Variants in MECR observed in about 807,000 individuals in gnomAD.
The protein encoded by MECR is mitochondrial trans-2-enoyl-CoA reductase.
MECR carries 37 observed loss-of-function variants against 49.1 expected under a neutral mutation model. The ratio of observed to expected loss-of-function variants is 0.75; its 90% CI spans 0.58 to 0.99. The LOEUF (loss-of-function observed/expected upper bound fraction) is 0.99, where lower values mean the gene tolerates loss of function less well. MECR is among the 50% of genes least tolerant of loss of function. The probability of loss-of-function intolerance (pLI) is 0.00; values close to 1 mark genes in which losing one functional copy is unlikely to be tolerated. For synonymous variants in MECR, 198 were observed against 191.1 expected, an observed-to-expected ratio of 1.04 and a Z score of -0.30; for missense variants, 470 against 479.6, an observed-to-expected ratio of 0.98 and a Z score of 0.19.
At chr1:29,194,492 A>G (rs966959719) in intron 9 of MECR, among the ~76,000 whole-genome samples, 6 of 152,184 alleles carry the variant, frequency 3.9e-5, no homozygotes, top group African/African-American at 1.2e-4. Flanking sequence ...TGGAGACAGG[A>G]GCACTGAATG....
chr1:29,176,658 A>G, the MECR span, among the ~76,000 whole-genome samples: 1 of 152,182 alleles, frequency 6.6e-6, no homozygotes, highest in Non-Finnish European at 1.5e-5. Flanking sequence ...TCAGTATCTA[A>G]GGCTTAATAA....
At chr1:29,181,259 A>C in the MECR span, among the ~76,000 whole-genome samples, 1 of 152,226 alleles carries the variant, frequency 6.6e-6, no homozygotes, top group African/African-American at 2.4e-5. Flanking sequence ...GTTTATTTCC[A>C]GTAGTCCTCA....
rs1457185705 is a variant in MECR, at chr1:29,206,748, C to G, written c.550+14G>C. ...CGAGACCCTGGCCTGCTCCCCCAAC[C>G]TGTGGGTTCCTACCTGGCTGCAGTT... On this transcript the variant is annotated intron_variant, in intron 4 of 9. Transcript: ENST00000263702. 1.9e-6 allele frequency: 3 copies of G among 1,613,676 alleles called. No individual in the cohort carries two copies. Among genetic ancestry groups the G allele is most frequent in the Non-Finnish European group, 2.5e-6 (3 of 1,179,804 alleles).
At chr1:29,200,336 G>C (rs895258635) in intron 7 of MECR, 180 bp downstream of exon 7, 9 of 539,494 alleles carry the variant, frequency 1.7e-5, no homozygotes, top group Non-Finnish European at 2.6e-5. Context: ...CATCTGCAAA[G>C]GGGAAGGCTG....
intron 1 of MECR, chr1:29,223,181 AG>A: frequency 1.0e-6 from 1 of 985,370 alleles, no homozygotes; most frequent in South Asian, 4.7e-5. Context: ...ATGCAACTCG[AG>A]GGGATGCCAC....
the MECR span, chr1:29,172,801 A>C: frequency 1.3e-5 from 2 of 152,240 alleles, no homozygotes; most frequent in East Asian, 3.8e-4. Flanking sequence ...AAAAATGCAA[A>C]CAAAGTTTTA....
rs1675329383 is a variant in MECR at position 29,201,582 on chromosome 1, C to A, written c.756+361G>T. Reference sequence around the variant, plus strand: ...GGAAATCATCAGATAAAATGTAAGGCAGGTGGTTGGGAAAGGTTACTTCTT... The same window carrying A: ...GGAAATCATCAGATAAAATGTAAGGAAGGTGGTTGGGAAAGGTTACTTCTT... On this transcript the variant is annotated intron_variant, in intron 6 of 9. Transcript: ENST00000263702. The surrounding 1 kb of genome is among the most constrained non-coding windows in gnomAD (Gnocchi z 4.3). 2.2e-6 allele frequency: 1 copy of A among 461,704 alleles called. No individual in the cohort carries two copies. The highest frequency in any genetic ancestry group is 3.0e-5 in the Admixed American group (1 of 33,506). The allele number at this position is 461,704 out of a possible 1,614,324, so 28.6% of individuals were successfully genotyped here. A position where few individuals can be genotyped will look rare whatever the true frequency, so the allele number is the denominator to read the frequency against.
At chr1:29,204,400 C>T (rs1293944221) in intron 4 of MECR, among the ~76,000 whole-genome samples, 2 of 151,714 alleles carry the variant, frequency 1.3e-5, no homozygotes, top group Non-Finnish European at 2.9e-5. Flanking sequence ...CAGGGGTCAA[C>T]GTACAGGTTG....
chr1:29,204,483 A>C (rs1188000517), intron 4 of MECR, among the ~76,000 whole-genome samples: 1 of 152,162 alleles, frequency 6.6e-6, no homozygotes, highest in Non-Finnish European at 1.5e-5. Context: ...AAAATTGAGA[A>C]GAGAATAAAA....
chr1:29,228,232 A>T (rs28460474), intron 1 of MECR, among the ~76,000 whole-genome samples: 1,843 of 151,410 alleles, frequency 0.012, 26 homozygotes, highest in African/African-American at 0.036. Flanking sequence ...TAAATAAATA[A>T]ATATATATAT....
chr1:29,196,371 G>T, intron 7 of MECR, 113 bp from the exon 8 acceptor site: 1 of 921,604 alleles, frequency 1.1e-6, no homozygotes, highest in Non-Finnish European at 1.6e-6. Flanking sequence ...CCTGCTCTCA[G>T]AATCTCTGGG....
intron 3 of MECR, among the ~76,000 whole-genome samples, chr1:29,208,950 G>T: frequency 6.6e-6 from 1 of 152,238 alleles, no homozygotes; most frequent in South Asian, 2.1e-4. Context: ...AGCACACAAA[G>T]AACATCTTAG....
the MECR span, among the ~76,000 whole-genome samples, chr1:29,177,277 C>CT: frequency 3.5e-5 from 5 of 141,554 alleles, no homozygotes; most frequent in Admixed American, 2.1e-4. Context: ...TACAGTAACT[C>CT]TTTTTGTTTT....
the MECR span, chr1:29,181,888 TACGCGAGCACGCAGC>T: frequency 1.7e-6 from 1 of 594,546 alleles, no homozygotes; most frequent in Non-Finnish European, 2.5e-6. Context: ...CCCGGCGACG[TACGCGAGCACGCAGC>T]TCGCGAGCGC....
intron 4 of MECR, among the ~76,000 whole-genome samples, chr1:29,204,124 C>CA (rs1374479323): frequency 2.0e-5 from 3 of 152,100 alleles, no homozygotes; most frequent in Non-Finnish European, 4.4e-5. Context: ...GAGGCTGAGG[C>CA]AGGAGAATCG....
At chr1:29,226,837 G>A (rs1248945534) in intron 1 of MECR, among the ~76,000 whole-genome samples, 1 of 151,720 alleles carries the variant, frequency 6.6e-6, no homozygotes. Context: ...TATACAGCAG[G>A]TATACAATAA....
intron 3 of MECR, among the ~76,000 whole-genome samples, chr1:29,213,874 C>T (rs1356460138): frequency 2.0e-5 from 3 of 152,026 alleles, no homozygotes; most frequent in Non-Finnish European, 4.4e-5. Flanking sequence ...ACATGAAGTG[C>T]TTAGAGCAGT....
At chr1:29,229,881 C>T (rs780986303) in intron 1 of MECR, among the ~76,000 whole-genome samples, 1 of 152,344 alleles carries the variant, frequency 6.6e-6, no homozygotes, top group African/African-American at 2.4e-5. Flanking sequence ...TGGCAACTGA[C>T]ATACTATTTT....
intron 4 of MECR, among the ~76,000 whole-genome samples, chr1:29,205,316 C>T (rs1212187584): frequency 6.6e-6 from 1 of 152,004 alleles, no homozygotes; most frequent in African/African-American, 2.4e-5. Context: ...TCCTGAGTAG[C>T]TGGGGTCACA....
Sources: gnomAD v4.1 joint callset for allele counts (sites outside exome capture counted in the v4.1 genomes callset) on GRCh38, gnomAD v4.1.1 for gene constraint, Gnocchi (gnomAD v3.1) non-coding constraint, MANE v1.5 for transcripts, NCBI Gene and HGNC (gene_info 2026-07-23, HGNC 2026-07-21) for gene names.